The following MBOAT1 variants were observed in gnomAD, a reference collection of about 807,000 sequenced individuals.
MBOAT1 encodes the protein membrane-bound glycerophospholipid O-acyltransferase 1.
Under a neutral mutation model 64.4 loss-of-function variants are expected in MBOAT1, and 67 were observed. The observed-to-expected ratio is 1.04, with a 90% CI of 0.85 to 1.27. MBOAT1 has a LOEUF of 1.27. Ranked by LOEUF, MBOAT1 falls within the 50% of genes most tolerant of loss-of-function variation. The pLI is 0.00. For synonymous variants in MBOAT1, 229 were observed against 218.9 expected (o/e 1.05, Z -0.41); for missense variants, 563 against 604.6 (o/e 0.93, Z 0.72).
At chr6:20,114,664 C>T (rs111896719) in intron 10 of MBOAT1, among the ~76,000 whole-genome samples, 9,975 of 152,088 alleles carry the variant, frequency 0.066, 427 homozygotes, top group South Asian at 0.13. Flanking sequence ...GGGTAGATCA[C>T]CTGAGGTCAG....
chr6:20,126,661 G>C lies in MBOAT1; in HGVS notation c.570C>G (p.Leu190=), dbSNP rs145673222. 4.8e-5 allele frequency: 77 copies of C among 1,612,628 alleles called. No homozygotes were observed. The highest frequency in any genetic ancestry group is 6.3e-5 in the Non-Finnish European group (74 of 1,179,580). Residue 190 remains leucine (L), a synonymous_variant, in exon 7 of 13, where the codon CTC becomes CTG. Transcript: ENST00000324607. ...GACCAGCTATGACACTCATGAAATT[G>C]AGAAGGTAACTTAAGTATTCCAAAA... ...PSFLEYLSYL[L]NFMSVIAGPC... is the part of the protein sequence containing the mutation.
intron 4 of MBOAT1, among the ~76,000 whole-genome samples, chr6:20,142,099 C>T (rs1271570223): frequency 6.6e-6 from 1 of 152,084 alleles, no homozygotes; most frequent in Non-Finnish European, 1.5e-5. Flanking sequence ...AAGATATATA[C>T]AGGCAATAGG....
intron 11 of MBOAT1, 110 bp from the exon 12 acceptor site, chr6:20,109,859 A>G: frequency 9.6e-7 from 1 of 1,038,064 alleles, no homozygotes; most frequent in Non-Finnish European, 1.3e-6. Context: ...ACAGAAGATA[A>G]CCAACATCTG....
intron 8 of MBOAT1, among the ~76,000 whole-genome samples, chr6:20,121,639 G>C (rs1760495861): frequency 6.6e-6 from 1 of 152,174 alleles, no homozygotes; most frequent in African/African-American, 2.4e-5. Context: ...CTATGCAATG[G>C]AATGGCCTTT....
At chr6:20,133,959 C>G (rs750735945) in intron 4 of MBOAT1, among the ~76,000 whole-genome samples, 88 of 152,304 alleles carry the variant, frequency 5.8e-4, no homozygotes, top group Non-Finnish European at 2.8e-4. Context: ...GCAGTAGGGA[C>G]ACTTAGGCAG....
intron 11 of MBOAT1, 30 bp downstream of exon 11, chr6:20,112,846 G>C: frequency 6.2e-7 from 1 of 1,602,142 alleles, no homozygotes; most frequent in Non-Finnish European, 8.5e-7. Flanking sequence ...ATTACTAAGG[G>C]GAAAGACCCT....
rs370249405 is a variant in MBOAT1 at position 20,106,713 on chromosome 6, C to T, written c.1361+2885G>A. ...CTGGGATTACAGGCATGAGCCACCG[C>T]GCCCGACCATCATAGAAACTTCTAT... On this transcript the variant is annotated intron_variant, in intron 12 of 12. Transcript: ENST00000324607. 4.6e-5 allele frequency among the ~76,000 whole-genome samples: 7 copies of T among 152,272 alleles called. No individual in the cohort carries two copies. The East Asian group carries it at 7.7e-4, about 17-fold the overall frequency.
intron 12 of MBOAT1, among the ~76,000 whole-genome samples, chr6:20,104,660 G>C (rs1012669182): frequency 5.9e-5 from 9 of 152,302 alleles, no homozygotes; most frequent in African/African-American, 2.2e-4. Context: ...TGTTGGGAGG[G>C]AGGAAAGCAC....
intron 1 of MBOAT1, among the ~76,000 whole-genome samples, chr6:20,183,611 T>A (rs1255124838): frequency 1.3e-5 from 2 of 152,210 alleles, no homozygotes; most frequent in Non-Finnish European, 2.9e-5. Context: ...CTCTAAGCCC[T>A]GCCAAGTGTT....
At chr6:20,182,147 C>G (rs1038461320) in intron 1 of MBOAT1, among the ~76,000 whole-genome samples, 4 of 152,178 alleles carry the variant, frequency 2.6e-5, no homozygotes, top group African/African-American at 9.7e-5. Context: ...TCCATTCAGG[C>G]TGCTATAACA....
At chr6:20,176,634 A>C (rs1052069817) in intron 1 of MBOAT1, among the ~76,000 whole-genome samples, 1 of 152,112 alleles carries the variant, frequency 6.6e-6, no homozygotes, top group African/African-American at 2.4e-5. Context: ...GCTAATTTTT[A>C]ATTTTTTTTG....
At chr6:20,206,747 G>C (rs138318820) in intron 1 of MBOAT1, among the ~76,000 whole-genome samples, 161 of 152,220 alleles carry the variant, frequency 1.1e-3, no homozygotes, top group Middle Eastern at 3.4e-3. Context: ...TCAATGTCAA[G>C]AAGGACAATC....
intron 1 of MBOAT1, among the ~76,000 whole-genome samples, chr6:20,175,812 T>C (rs1038605871): frequency 2.0e-5 from 3 of 151,750 alleles, no homozygotes; most frequent in African/African-American, 7.3e-5. Context: ...CTAAGTTTCG[T>C]AGGCTGGTCT....
intron 1 of MBOAT1, among the ~76,000 whole-genome samples, chr6:20,206,057 T>G (rs938758276): frequency 2.6e-5 from 4 of 152,190 alleles, no homozygotes; most frequent in Admixed American, 2.6e-4. Flanking sequence ...CCTCCACTGC[T>G]GACCTTCTTC....
chr6:20,139,959 G>A (rs781237708), intron 4 of MBOAT1, among the ~76,000 whole-genome samples: 4 of 152,130 alleles, frequency 2.6e-5, no homozygotes, highest in South Asian at 2.1e-4. Context: ...GGGTTCCCCA[G>A]TCACTGCCTC....
At chr6:20,137,477 A>G (rs1182006978) in intron 4 of MBOAT1, among the ~76,000 whole-genome samples, 4 of 148,268 alleles carry the variant, frequency 2.7e-5, no homozygotes, top group Admixed American at 1.4e-4. Context: ...CCAGGAGAAC[A>G]GGAAATATTC....
chr6:20,185,983 A>ACTGCACCACTGCACT (rs1762640186), intron 1 of MBOAT1, among the ~76,000 whole-genome samples: 1 of 152,160 alleles, frequency 6.6e-6, no homozygotes, highest in African/African-American at 2.4e-5. Flanking sequence ...GGAGTTCAAG[A>ACTGCACCACTGCACT]CCAGCCTAAG....
intron 1 of MBOAT1, among the ~76,000 whole-genome samples, chr6:20,185,467 T>C (rs1185151229): frequency 6.6e-6 from 1 of 152,174 alleles, no homozygotes; most frequent in Non-Finnish European, 1.5e-5. Context: ...AAGGCCTTAA[T>C]AGAAAAAGTT....
intron 1 of MBOAT1, among the ~76,000 whole-genome samples, chr6:20,160,745 C>T (rs1761829144): frequency 6.6e-6 from 1 of 152,138 alleles, no homozygotes; most frequent in African/African-American, 2.4e-5. Context: ...ACTAAAAACG[C>T]TATTCCTTCC....
Sources: gnomAD v4.1 joint callset for allele counts (sites outside exome capture counted in the v4.1 genomes callset) on GRCh38, gnomAD v4.1.1 for gene constraint, MANE v1.5 for transcripts, NCBI Gene and HGNC (gene_info 2026-07-23, HGNC 2026-07-21) for gene names.